Variants in PROSER1 observed in about 807,000 individuals in gnomAD.
PROSER1 encodes the protein proline and serine rich 1, also known as proline and serine-rich protein 1.
Under a neutral mutation model 71.8 loss-of-function variants are expected in PROSER1, and 36 were observed. The ratio of observed to expected loss-of-function variants is 0.50; its 90% CI spans 0.38 to 0.66. PROSER1 has a LOEUF of 0.66. PROSER1 is among the 30% of genes least tolerant of loss of function. The pLI, the probability that PROSER1 is intolerant of heterozygous loss-of-function variation, is 0.00. For missense variants in PROSER1, 1,107 were observed against 1,135.0 expected (o/e 0.98, Z 0.35); for synonymous variants, 490 against 452.4 (o/e 1.08, Z -1.06).
chr13:39,022,288 T>C (rs762835192), intron 9 of PROSER1, 38 bp downstream of exon 9: 2 of 1,322,312 alleles, frequency 1.5e-6, no homozygotes, highest in East Asian at 2.3e-5. Context: ...CATTTGTATA[T>C]GAATAAGTTA....
Position 39,010,139 on chromosome 13 carries a change from AAC to A in PROSER1, c.*1224_*1225del, listed in dbSNP as rs1869572558. The A allele has an allele frequency of 6.6e-6, 1 of 151,116 alleles. No individual in the cohort carries two copies. The highest frequency in any genetic ancestry group is 1.5e-5 in the Non-Finnish European group (1 of 67,864). The allele number at this position is 151,116 out of a possible 1,614,324, so 9.4% of individuals were successfully genotyped here. A position where few individuals can be genotyped will look rare whatever the true frequency, so the allele number is the denominator to read the frequency against. ...GAAAGCCTATCCAAGCACTTAGTAA[AAC>A]ACAGAATATTTGTCATATCCATAGT... On this transcript the variant is annotated 3_prime_UTR_variant, in exon 13 of 13. Transcript: ENST00000352251.
chr13:39,018,490 AC>A (rs1870115883), intron 9 of PROSER1, among the ~76,000 whole-genome samples: 2 of 144,318 alleles, frequency 1.4e-5, no homozygotes, highest in South Asian at 2.3e-4. Context: ...ACACACACAC[AC>A]ACACACACAC....
rs771430915 is a variant in PROSER1 at position 39,013,635 on chromosome 13, T to C, written c.1617A>G (p.Pro539=). ...RTSTPGLALF[P]GLPSPVANST... ...AGTTAGCCACGGGAGACGGCAGGCC[T>C]GGGAACAGGGCCAACCCTGGAGTGG... Residue 539 remains proline, a synonymous_variant, in exon 11 of 13, where the codon CCA becomes CCG. Transcript: ENST00000352251. 5.0e-6 allele frequency: 8 copies of C among 1,613,922 alleles called. No individual in the cohort carries two copies. In the South Asian group the frequency reaches 7.7e-5, roughly 16 times the overall value.
intron 9 of PROSER1, among the ~76,000 whole-genome samples, chr13:39,018,872 G>T (rs1870146912): frequency 6.6e-6 from 1 of 152,088 alleles, no homozygotes; most frequent in South Asian, 2.1e-4. Context: ...TGCCAGAAAA[G>T]ATTAATGACA....
At chr13:39,036,103 G>A (rs1203073681) in intron 1 of PROSER1, among the ~76,000 whole-genome samples, 1 of 152,108 alleles carries the variant, frequency 6.6e-6, no homozygotes, top group Non-Finnish European at 1.5e-5. Flanking sequence ...ATTTTCTCAT[G>A]AAAAGTAATT....
chr13:39,024,488 A>C lies in PROSER1; in HGVS notation c.549T>G (p.Leu183=). ...NEGKGIAARI[L]GPSKPPPSTY... is the part of the protein sequence containing the mutation. ...CTAAACATACTGGTTTGGATGGCCC[A>C]AGAATTCGTGCAGCTATTCCTTTGC... Residue 183 remains leucine, a synonymous_variant, in exon 7 of 13, where the codon CTT becomes CTG. Transcript: ENST00000352251. 3 of 1,611,432 alleles carry C rather than the reference A, an allele frequency of 1.9e-6. No individual in the cohort carries two copies. The highest frequency in any genetic ancestry group is 2.5e-6 in the Non-Finnish European group (3 of 1,178,352).
intron 5 of PROSER1, among the ~76,000 whole-genome samples, chr13:39,027,088 A>G (rs542908903): frequency 2.0e-5 from 3 of 151,996 alleles, no homozygotes; most frequent in Admixed American, 6.5e-5. Context: ...AGCTATACAT[A>G]TGTGTGTGTA....
rs762870784 is a variant in PROSER1 at position 39,031,578 on chromosome 13, C to T, written c.165G>A (p.Met55Ile). The T allele has an allele frequency of 1.1e-5, 17 of 1,611,150 alleles. No individual in the cohort carries two copies. The highest frequency in any genetic ancestry group is 1.7e-5 in the Admixed American group (1 of 59,154). ...FSWAEPQLKA[M>I]KALQHKMVAV... ...AGTTACTTACATGCTGTAATGCTTT[C>T]ATTGCCTTCAACTGGGGCTCGGCCC... Residue 55 changes from methionine to isoleucine, a missense_variant, in exon 3 of 13, where the codon ATG becomes ATA. Physicochemically the swap from Met to Ile is conservative, Grantham distance 10. Coordinates refer to ENST00000352251, the MANE Select transcript of PROSER1 (RefSeq NM_025138.5).
intron 7 of PROSER1, among the ~76,000 whole-genome samples, chr13:39,024,166 A>G (rs1366510028): frequency 6.6e-6 from 1 of 152,198 alleles, no homozygotes; most frequent in Non-Finnish European, 1.5e-5. Flanking sequence ...TAATTCAGCT[A>G]AACTACAAAC....
At chr13:39,030,887 G>A (rs1870806462) in intron 3 of PROSER1, among the ~76,000 whole-genome samples, 2 of 152,070 alleles carry the variant, frequency 1.3e-5, no homozygotes, top group African/African-American at 2.4e-5. Flanking sequence ...TATTAAAGAG[G>A]AGGTCAGAAA....
chr13:39,018,700 T>C (rs1366396147), intron 9 of PROSER1, among the ~76,000 whole-genome samples: 2 of 151,910 alleles, frequency 1.3e-5, no homozygotes. Context: ...CATAAATGAA[T>C]GGGTTAATAG....
rs1043274337 is a variant in PROSER1 at position 39,027,052 on chromosome 13, A to G, written c.370-665T>C. ...TATTAGGCAACATATATTCCAATGTATCTATATTATGTTATAGAAATATCC... is the reference window on the plus strand; with the variant it reads ...TATTAGGCAACATATATTCCAATGTGTCTATATTATGTTATAGAAATATCC... On this transcript the variant is annotated intron_variant, in intron 5 of 12. Transcript: ENST00000352251. 2.6e-5 allele frequency among the ~76,000 whole-genome samples: 4 copies of G among 151,328 alleles called. 1 individual carries two copies. In the South Asian group the frequency reaches 6.2e-4, roughly 24 times the overall value.
rs1566022397 is a variant in PROSER1, at chr13:39,014,119, G to C, written c.1133C>G (p.Ala378Gly). ...LPGPSATPTA[A>G]TPTPGPTPRS... Reference sequence around the variant, plus strand: ...TGGTGTAGGTCCTGGGGTAGGAGTGGCTGCGGTAGGAGTGGCAGAAGGACC... The same window carrying C: ...TGGTGTAGGTCCTGGGGTAGGAGTGCCTGCGGTAGGAGTGGCAGAAGGACC... The change falls in exon 11 of 13, where the codon GCC becomes GGC. Residue 378 changes from alanine to glycine, a missense_variant. Transcript: ENST00000352251. 2 of 1,613,180 alleles carry C rather than the reference G, an allele frequency of 1.2e-6. No individual in the cohort carries two copies. The highest frequency in any genetic ancestry group is 2.2e-5 in the East Asian group (1 of 44,502).
intron 11 of PROSER1, 121 bp from the exon 12 acceptor site, chr13:39,012,354 C>T (rs181430932): frequency 7.8e-5 from 86 of 1,100,190 alleles, no homozygotes; most frequent in Non-Finnish European, 1.1e-4. Flanking sequence ...GAATTTATTC[C>T]TCTGTTGGAA....
intron 2 of PROSER1, among the ~76,000 whole-genome samples, chr13:39,032,826 C>A (rs1358559415): frequency 6.6e-6 from 1 of 151,534 alleles, no homozygotes; most frequent in African/African-American, 2.4e-5. Context: ...ATGACTTTAG[C>A]AAAGTGGAAG....
Position 39,022,426 on chromosome 13 carries a change from A to G in PROSER1, c.644-14T>C. ...TGTTATAAGCACCTAAAATAAAAAC[A>G]CAATAGAAAAAAATATACCTTAGGA... is the stretch of plus-strand genomic sequence containing the variant. On this transcript the variant is annotated splice_polypyrimidine_tract_variant and intron_variant, in intron 8 of 12. Transcript: ENST00000352251. The G allele has an allele frequency of 3.2e-6, 5 of 1,584,328 alleles. No individual in the cohort carries two copies. Among genetic ancestry groups the G allele is most frequent in the Non-Finnish European group, 4.3e-6 (5 of 1,153,036 alleles).
At chr13:39,033,288 A>G (rs1268025012) in intron 2 of PROSER1, among the ~76,000 whole-genome samples, 1 of 152,252 alleles carries the variant, frequency 6.6e-6, no homozygotes, top group Non-Finnish European at 1.5e-5. Flanking sequence ...AAAAACTGAC[A>G]TAAAGACAAC....
chr13:39,013,672 G>C lies in PROSER1; in HGVS notation c.1580C>G (p.Pro527Arg). 6.2e-7 allele frequency: 1 copy of C among 1,614,174 alleles called. No individual in the cohort carries two copies. The highest frequency in any genetic ancestry group is 8.5e-7 in the Non-Finnish European group (1 of 1,180,020). Residue 527 changes from proline to arginine, a missense_variant, in exon 11 of 13, where the codon CCA (proline) becomes CGA (arginine). Physicochemically the swap from Pro to Arg is moderately radical, Grantham distance 103. Transcript: ENST00000352251. ...KCYAPSAIPTPQRTSTPGLAL... is the reference protein window; with the variant it reads ...KCYAPSAIPTRQRTSTPGLAL... ...CAACCCTGGAGTGGAAGTCCTCTGT[G>C]GGGTAGGGATGGCTGATGGGGCATA...
intron 9 of PROSER1, among the ~76,000 whole-genome samples, chr13:39,021,422 T>TG (rs1478831706): frequency 2.0e-5 from 3 of 151,886 alleles, no homozygotes; most frequent in Non-Finnish European, 4.4e-5. Flanking sequence ...TAAAGATCCT[T>TG]GAAAAAAAAG....
Sources: gnomAD v4.1 joint callset for allele counts (sites outside exome capture counted in the v4.1 genomes callset) on GRCh38, gnomAD v4.1.1 for gene constraint, MANE v1.5 for transcripts, NCBI Gene and HGNC (gene_info 2026-07-23, HGNC 2026-07-21) for gene names.